RIGI: variants seen among roughly 807,000 people sequenced by gnomAD.
RIGI encodes RNA sensor RIG-I.
the RIGI span, among the ~76,000 whole-genome samples, chr9:32,460,769 C>G: frequency 1.4e-5 from 2 of 144,090 alleles, no homozygotes; most frequent in Admixed American, 6.8e-5. Flanking sequence ...AAAAAATACA[C>G]TGGGGAAAAA....
the RIGI span, among the ~76,000 whole-genome samples, chr9:32,485,012 AGAG>A: frequency 1.3e-5 from 2 of 152,254 alleles, no homozygotes; most frequent in African/African-American, 4.8e-5. Flanking sequence ...AAGAAAGAAT[AGAG>A]GAGGACATAT....
At chr9:32,456,570 CAAT>C in the RIGI span, 5 of 154,458 alleles carry the variant, frequency 3.2e-5, no homozygotes, top group African/African-American at 1.2e-4. Context: ...GAGGAGGACT[CAAT>C]AAAAAAAGAC....
the RIGI span, chr9:32,488,978 C>T: frequency 5.2e-6 from 5 of 970,856 alleles, no homozygotes; most frequent in Non-Finnish European, 7.3e-6. Flanking sequence ...TCTAATACCA[C>T]TGAGCTGACT....
chr9:32,473,066 C>A, the RIGI span: 1 of 1,596,160 alleles, frequency 6.3e-7, no homozygotes. Flanking sequence ...TTTTTAAAGC[C>A]TGAAAATGAA....
At chr9:32,460,567 TATAA>T in the RIGI span, among the ~76,000 whole-genome samples, 5 of 152,254 alleles carry the variant, frequency 3.3e-5, no homozygotes, top group South Asian at 2.1e-4. Context: ...GATGGGCAAT[TATAA>T]ATACTTTTGA....
chr9:32,468,985 G>A, the RIGI span, among the ~76,000 whole-genome samples: 1 of 152,220 alleles, frequency 6.6e-6, no homozygotes, highest in African/African-American at 2.4e-5. Flanking sequence ...CAGAGGTCAT[G>A]TGTGTCTCTT....
At chr9:32,507,738 G>A in the RIGI span, among the ~76,000 whole-genome samples, 1 of 151,510 alleles carries the variant, frequency 6.6e-6, no homozygotes, top group Admixed American at 6.6e-5. Context: ...CTCAATTTTC[G>A]GGGCTCAAGC....
At chr9:32,485,835 G>A in the RIGI span, among the ~76,000 whole-genome samples, 28 of 151,804 alleles carry the variant, frequency 1.8e-4, no homozygotes, top group African/African-American at 5.8e-4. Flanking sequence ...CACCGCACCC[G>A]GCCTAACCAG....
the RIGI span, chr9:32,481,243 G>C: frequency 7.9e-7 from 1 of 1,269,816 alleles, no homozygotes; most frequent in Middle Eastern, 2.7e-4. Flanking sequence ...GTGAGCTCTT[G>C]AGGACAGGAT....
chr9:32,457,199 C>T, the RIGI span: 1 of 1,613,994 alleles, frequency 6.2e-7, no homozygotes, highest in Non-Finnish European at 8.5e-7. Context: ...AGTGTCTGAA[C>T]TCCAGTTGCA....
the RIGI span, chr9:32,467,988 G>GA: frequency 6.9e-7 from 1 of 1,445,068 alleles, no homozygotes; most frequent in Non-Finnish European, 9.3e-7. Context: ...CTTCCCCCTT[G>GA]AAAAAACAGC....
At chr9:32,459,344 C>T in the RIGI span, 3 of 1,609,752 alleles carry the variant, frequency 1.9e-6, no homozygotes, top group Non-Finnish European at 2.5e-6. Context: ...AAAACATGAC[C>T]AGGCACTTTG....
the RIGI span, among the ~76,000 whole-genome samples, chr9:32,507,993 T>C: frequency 3.9e-5 from 6 of 152,210 alleles, no homozygotes; most frequent in South Asian, 1.2e-3. Context: ...TCCTATATTT[T>C]CTGGTTAGCT....
chr9:32,522,865 C>T, the RIGI span, among the ~76,000 whole-genome samples: 3 of 152,062 alleles, frequency 2.0e-5, no homozygotes, highest in South Asian at 2.1e-4. Flanking sequence ...ACAATTCTTT[C>T]GAATAAACAT....
At chr9:32,480,245 T>A in the RIGI span, 1 of 1,608,722 alleles carries the variant, frequency 6.2e-7, no homozygotes, top group Non-Finnish European at 8.5e-7. Flanking sequence ...AAGATCTTGC[T>A]CAATCTCATC....
chr9:32,459,432 T>A, the RIGI span: 2 of 1,613,888 alleles, frequency 1.2e-6, no homozygotes, highest in Non-Finnish European at 1.7e-6. Flanking sequence ...GCAGAGCAGT[T>A]TTTTATTTTC....
At chr9:32,525,999 A>T in the RIGI span, 1 of 1,277,718 alleles carries the variant, frequency 7.8e-7, no homozygotes, top group Non-Finnish European at 1.1e-6. Flanking sequence ...AAGGGAACGA[A>T]GCAAGAGAAA....
chr9:32,464,534 T>C, the RIGI span, among the ~76,000 whole-genome samples: 2 of 152,012 alleles, frequency 1.3e-5, no homozygotes, highest in Admixed American at 1.3e-4. Flanking sequence ...GGACTACAGG[T>C]GCCCGTCACC....
At chr9:32,493,635 G>A in the RIGI span, 3 of 583,560 alleles carry the variant, frequency 5.1e-6, no homozygotes, top group East Asian at 3.3e-5. Flanking sequence ...AAAAAAAAAA[G>A]TACTATTCTA....
Sources: allele counts gnomAD v4.1 joint callset (sites outside exome capture counted in the v4.1 genomes callset), GRCh38; gene constraint gnomAD v4.1.1; transcripts MANE v1.5; gene names NCBI Gene and HGNC (gene_info 2026-07-23, HGNC 2026-07-21).